GMDS: variants seen among roughly 807,000 people sequenced by gnomAD.
GMDS encodes the protein GDP-mannose 4,6 dehydratase.
A neutral mutation model predicts 49.9 loss-of-function variants in GMDS; 20 were observed. The observed-to-expected ratio is 0.40, with a 90% CI of 0.28 to 0.58. GMDS has a LOEUF of 0.58. Ranked by LOEUF, GMDS falls within the 20% of genes least tolerant of loss-of-function variation. The pLI is 0.42. For missense variants in GMDS, 362 were observed against 481.4 expected (o/e 0.75, Z 2.32); for synonymous variants, 177 against 178.6 (o/e 0.99, Z 0.07).
chr6:1,750,123 C>T (rs760205843), intron 7 of GMDS, among the ~76,000 whole-genome samples: 25 of 152,266 alleles, frequency 1.6e-4, no homozygotes, highest in Admixed American at 3.3e-4. Context: ...GAGCCACCAG[C>T]CTCAAATTAT....
intron 7 of GMDS, among the ~76,000 whole-genome samples, chr6:1,845,500 G>T (rs1216859752): frequency 6.6e-6 from 1 of 152,186 alleles, no homozygotes; most frequent in Non-Finnish European, 1.5e-5. Context: ...AACATTAAAT[G>T]AATATCTAGC....
intron 4 of GMDS, among the ~76,000 whole-genome samples, chr6:2,051,943 C>G (rs747112640): frequency 1.3e-4 from 20 of 151,694 alleles, no homozygotes; most frequent in Non-Finnish European, 2.4e-4. Flanking sequence ...ACGGTGAAAC[C>G]CCATCCCTAC....
chr6:1,978,075 A>C (rs567153972), intron 4 of GMDS, among the ~76,000 whole-genome samples: 24 of 152,318 alleles, frequency 1.6e-4, no homozygotes, highest in Admixed American at 9.8e-4. Context: ...ACTGCCTGAG[A>C]CCAGACGGAG....
chr6:2,174,866 G>A (rs943527945), intron 1 of GMDS, among the ~76,000 whole-genome samples: 12 of 151,958 alleles, frequency 7.9e-5, no homozygotes, highest in African/African-American at 2.9e-4. Flanking sequence ...ACCATGCCTG[G>A]CCGAATGGTG....
At chr6:1,643,292 A>G (rs1206415145) in intron 9 of GMDS, among the ~76,000 whole-genome samples, 1 of 152,224 alleles carries the variant, frequency 6.6e-6, no homozygotes, top group Non-Finnish European at 1.5e-5. Flanking sequence ...CCTGAGACCC[A>G]GCCCATTTGG....
chr6:1,624,815 G>C (rs2113133191), intron 9 of GMDS: 1 of 263,274 alleles, frequency 3.8e-6, no homozygotes, highest in Non-Finnish European at 7.0e-6. Context: ...GGCGTCCCTT[G>C]GGCTCTTAAT....
chr6:1,947,140 T>G (rs187740053), intron 6 of GMDS, among the ~76,000 whole-genome samples: 10 of 152,320 alleles, frequency 6.6e-5, no homozygotes, highest in African/African-American at 2.4e-4. Context: ...GGGAAATATT[T>G]CCCTGTGCTT....
chr6:1,664,702 C>G (rs997199084), intron 9 of GMDS, among the ~76,000 whole-genome samples: 2 of 152,132 alleles, frequency 1.3e-5, no homozygotes, highest in African/African-American at 2.4e-5. Flanking sequence ...ACAGTTCTGG[C>G]CTAACAGGGG....
chr6:2,226,546 G>A (rs986506902), intron 1 of GMDS, among the ~76,000 whole-genome samples: 1 of 152,180 alleles, frequency 6.6e-6, no homozygotes, highest in African/African-American at 2.4e-5. Context: ...CAACAACAGA[G>A]ATATTATAAC....
intron 1 of GMDS, among the ~76,000 whole-genome samples, chr6:2,125,868 T>C (rs1348190345): frequency 5.9e-5 from 9 of 152,218 alleles, no homozygotes; most frequent in Non-Finnish European, 1.2e-4. Flanking sequence ...ATTTGTATTA[T>C]TATGCACACA....
In GMDS at chr6:1,988,951, G is replaced by A. The variant is rs1765747995; in HGVS notation, c.346-27985C>T. Among the ~76,000 whole-genome samples the A allele has an allele frequency of 3.3e-5, 5 of 152,192 alleles. No homozygotes were observed. In the South Asian group the frequency reaches 1.0e-3, roughly 31 times the overall value. ...TTATGCCGGGAGCAGTGAGCAGTAA[G>A]AGCAGAAAGGCTGGCCCTCTTGGAT... On this transcript the variant is annotated intron_variant, in intron 4 of 10. Coordinates refer to ENST00000380815, the MANE Select transcript of GMDS (RefSeq NM_001500.4).
chr6:2,096,900 CTAAT>C (rs557220414), intron 4 of GMDS, among the ~76,000 whole-genome samples: 3 of 152,024 alleles, frequency 2.0e-5, no homozygotes, highest in South Asian at 2.1e-4. Context: ...CATCTAGAGA[CTAAT>C]TAAGTTAGTG....
intron 8 of GMDS, among the ~76,000 whole-genome samples, chr6:1,729,598 C>G (rs1173934858): frequency 1.3e-5 from 2 of 152,194 alleles, no homozygotes; most frequent in Admixed American, 6.5e-5. Flanking sequence ...ATACATGAAA[C>G]ACTTGTATTA....
intron 7 of GMDS, among the ~76,000 whole-genome samples, chr6:1,780,917 G>C (rs185644719): frequency 2.0e-5 from 3 of 152,302 alleles, no homozygotes; most frequent in Admixed American, 2.0e-4. Context: ...ACTAGAACCA[G>C]ATTTCCCTTC....
chr6:1,749,678 C>T (rs1767647255), intron 7 of GMDS, among the ~76,000 whole-genome samples: 1 of 152,050 alleles, frequency 6.6e-6, no homozygotes, highest in Non-Finnish European at 1.5e-5. Flanking sequence ...AAGTGGGTAT[C>T]TATGAGGATA....
At chr6:1,834,924 C>T (rs1756854178) in intron 7 of GMDS, among the ~76,000 whole-genome samples, 1 of 152,146 alleles carries the variant, frequency 6.6e-6, no homozygotes, top group South Asian at 2.1e-4. Context: ...GTTTTTTCAA[C>T]TTAATGTCTC....
intron 1 of GMDS, among the ~76,000 whole-genome samples, chr6:2,146,171 A>G (rs1562096735): frequency 6.6e-6 from 1 of 152,260 alleles, no homozygotes; most frequent in East Asian, 1.9e-4. Context: ...TAATGAAGAT[A>G]TGTTAGGAAG....
At chr6:1,952,076 T>C (rs1413505745) in intron 6 of GMDS, 20 of 803,058 alleles carry the variant, frequency 2.5e-5, no homozygotes, top group Middle Eastern at 1.3e-3. Flanking sequence ...TTAGCATTTA[T>C]TGGCTTCACG....
chr6:2,195,641 C>T (rs1019945557), intron 1 of GMDS, among the ~76,000 whole-genome samples: 2 of 151,822 alleles, frequency 1.3e-5, no homozygotes, highest in Admixed American at 1.3e-4. Context: ...TATTATGTGT[C>T]CTTCTTTTTT....
Sources: allele counts gnomAD v4.1 joint callset (sites outside exome capture counted in the v4.1 genomes callset), GRCh38; gene constraint gnomAD v4.1.1; transcripts MANE v1.5; gene names NCBI Gene and HGNC (gene_info 2026-07-23, HGNC 2026-07-21).